BUD13: variants seen among roughly 807,000 people sequenced by gnomAD.
BUD13 encodes BUD13 spliceosome associated protein.
Under a neutral mutation model 62.5 loss-of-function variants are expected in BUD13, and 47 were observed. The ratio of observed to expected loss-of-function variants is 0.75; its 90% CI spans 0.60 to 0.96. The LOEUF (loss-of-function observed/expected upper bound fraction) is 0.96, where lower values mean the gene tolerates loss of function less well. Among genes scored for constraint, BUD13 ranks in the 40% least tolerant of loss-of-function variants. BUD13 has a pLI of 0.00. For synonymous variants in BUD13, 293 were observed against 280.1 expected (o/e 1.05, Z -0.46); for missense variants, 821 against 790.9 (o/e 1.04, Z -0.46).
chr11:116,757,461 A>ATTTTTTTT (rs35269431), intron 8 of BUD13, among the ~76,000 whole-genome samples: 1 of 138,858 alleles, frequency 7.2e-6, no homozygotes. Flanking sequence ...ATGACCGGCT[A>ATTTTTTTT]TTTTTTTTTT....
At chr11:116,760,388 C>T (rs1378131175) in intron 5 of BUD13, among the ~76,000 whole-genome samples, 1 of 152,234 alleles carries the variant, frequency 6.6e-6, no homozygotes, top group Admixed American at 6.5e-5. Context: ...TGTATGTGAT[C>T]CGTTTGACAC....
chr11:116,767,489 A>C (rs1283599372), intron 2 of BUD13, among the ~76,000 whole-genome samples: 1 of 143,678 alleles, frequency 7.0e-6, no homozygotes, highest in Non-Finnish European at 1.5e-5. Context: ...GCTACTCGGG[A>C]GGCTGAGGCA....
intron 1 of BUD13, among the ~76,000 whole-genome samples, 180 bp downstream of exon 1, chr11:116,772,642 G>A (rs968997506): frequency 3.3e-5 from 5 of 152,202 alleles, no homozygotes; most frequent in Admixed American, 3.3e-4. Flanking sequence ...GATGTAAGCG[G>A]GGCGGCAGAG....
rs1268409954 is a variant in BUD13 at position 116,761,710 on chromosome 11, A to C, written c.1037-758T>G. On this transcript the variant is annotated intron_variant, in intron 4 of 9. Transcript: ENST00000260210. ...GGACTAAAGGATAACAAAGTACTTTAATTTTAAAATTAAAATAGTTCCTAG... is the reference window on the plus strand; with the variant it reads ...GGACTAAAGGATAACAAAGTACTTTCATTTTAAAATTAAAATAGTTCCTAG... 2.6e-5 allele frequency among the ~76,000 whole-genome samples: 4 copies of C among 152,254 alleles called. No individual in the cohort carries two copies. In the East Asian group the frequency reaches 7.7e-4, roughly 29 times the overall value.
At chr11:116,766,471 G>C (rs1321290306) in intron 2 of BUD13, among the ~76,000 whole-genome samples, 1 of 152,154 alleles carries the variant, frequency 6.6e-6, no homozygotes, top group Non-Finnish European at 1.5e-5. Flanking sequence ...ACCCAGTTTT[G>C]AGATCTCTCA....
At position 116,770,120 on chromosome 11, in the gene BUD13, G is replaced by T; in HGVS notation, c.237+9C>A. The stretch of plus-strand genomic sequence containing the variant: ...ATTTCAAAATCCTGACAGCCCCAAA[G>T]ATACATACCACAGGCAAATCTCCAT... On this transcript the variant is annotated intron_variant, in intron 2 of 9. Transcript: ENST00000260210. 6.3e-7 allele frequency: 1 copy of T among 1,579,134 alleles called. No individual in the cohort carries two copies. The highest frequency in any genetic ancestry group is 8.7e-7 in the Non-Finnish European group (1 of 1,155,664).
chr11:116,762,550 C>T lies in BUD13; in HGVS notation c.1036+3G>A. The T allele has an allele frequency of 6.2e-7, 1 of 1,600,284 alleles. No individual in the cohort carries two copies. The highest frequency in any genetic ancestry group is 8.5e-7 in the Non-Finnish European group (1 of 1,172,502). On this transcript the variant is annotated splice_donor_region_variant and intron_variant, in intron 4 of 9. Transcript: ENST00000260210. The stretch of plus-strand genomic sequence containing the variant: ...TCCCTCTCATGGACAGTCATATGCT[C>T]ACCTTTGGAATCAAGCTGCTTCTTG...
At position 116,757,853 on chromosome 11, in the gene BUD13, T is replaced by C. The variant is rs1352786833; in HGVS notation, c.1597A>G (p.Arg533Gly). 1 of 1,614,240 alleles carries C rather than the reference T, an allele frequency of 6.2e-7. No individual in the cohort carries two copies. The highest frequency in any genetic ancestry group is 8.5e-7 in the Non-Finnish European group (1 of 1,180,046). The part of the protein sequence containing the change: ...ARYIDDEDLD[R>G]MLREQEREGD... Reference sequence around the variant, plus strand: ...TCTCTTTCCTGTTCTCTTAGCATCCTATCCAGATCTTCGTCATCAATATAG... The same window carrying C: ...TCTCTTTCCTGTTCTCTTAGCATCCCATCCAGATCTTCGTCATCAATATAG... Residue 533 changes from arginine (R) to glycine (G), a missense_variant, in exon 8 of 10, where the codon AGG (arginine) becomes GGG (glycine). Transcript: ENST00000260210.
chr11:116,764,583 C>G (rs568424494), intron 3 of BUD13, among the ~76,000 whole-genome samples: 27 of 152,262 alleles, frequency 1.8e-4, no homozygotes, highest in Admixed American at 5.9e-4. Context: ...ATGTGTGTGT[C>G]TGTGTGTCTT....
At chr11:116,754,617 A>G (rs1230486414) in intron 9 of BUD13, among the ~76,000 whole-genome samples, 5 of 152,200 alleles carry the variant, frequency 3.3e-5, no homozygotes, top group African/African-American at 1.2e-4. Flanking sequence ...AAAAACCTAT[A>G]CAGCTACAAC....
intron 9 of BUD13, among the ~76,000 whole-genome samples, chr11:116,751,446 T>C (rs370392016): frequency 7.2e-5 from 11 of 151,984 alleles, no homozygotes; most frequent in East Asian, 3.9e-4. Flanking sequence ...CTGGCCAACA[T>C]GGTGAAACCC....
In BUD13 at chr11:116,760,843, T is replaced by C. The variant is rs1940417005; in HGVS notation, c.1146A>G (p.Arg382=). 2.5e-6 allele frequency: 4 copies of C among 1,614,008 alleles called. No homozygotes were observed. In the African/African-American group the frequency reaches 4.0e-5, roughly 16 times the overall value. Residue 382 remains arginine, a synonymous_variant, in exon 5 of 10, where the codon AGA becomes AGG. Transcript: ENST00000260210. ...SDLSPPRNRP[R]HRSSDSDLSP... ...AGAGGTCAGAATCAGAGCTCCGGTG[T>C]CTAGGTCTATTCCGTGGAGGTGACA...
chr11:116,748,888 C>T (rs761183543), intron 9 of BUD13, among the ~76,000 whole-genome samples: 1 of 147,920 alleles, frequency 6.8e-6, no homozygotes, highest in African/African-American at 2.5e-5. Flanking sequence ...GGGAGGCTGA[C>T]GCAGGAGAAT....
At chr11:116,751,867 T>A (rs1238475540) in intron 9 of BUD13, among the ~76,000 whole-genome samples, 1 of 152,176 alleles carries the variant, frequency 6.6e-6, no homozygotes, top group Admixed American at 6.5e-5. Flanking sequence ...GACCAGAGAA[T>A]CAGGAACGCA....
chr11:116,765,886 G>C (rs754353383), intron 2 of BUD13, among the ~76,000 whole-genome samples: 2 of 152,160 alleles, frequency 1.3e-5, no homozygotes, highest in Non-Finnish European at 2.9e-5. Flanking sequence ...CACAGTGATA[G>C]GTTTTCTTGA....
chr11:116,767,008 T>C (rs576427489), intron 2 of BUD13, among the ~76,000 whole-genome samples: 8 of 150,050 alleles, frequency 5.3e-5, no homozygotes, highest in African/African-American at 2.0e-4. Flanking sequence ...GGCAACACGG[T>C]GAAACCCCGT....
chr11:116,758,373 A>T lies in BUD13; in HGVS notation c.1395T>A (p.Asp465Glu). The T allele has an allele frequency of 6.2e-7, 1 of 1,614,082 alleles. No homozygotes were observed. Among genetic ancestry groups the T allele is most frequent in the Non-Finnish European group, 8.5e-7 (1 of 1,180,020 alleles). ...EFQYAETVFR[D>E]KSGRKRNLKL... is the part of the protein sequence containing the mutation. ...TCAAATTCCTCTTACGACCAGACTT[A>T]TCTCGAAATACGGTTTCAGCATATT... The change falls in exon 7 of 10, where the codon GAT (aspartate) becomes GAA (glutamate). Residue 465 changes from aspartate to glutamate, a missense_variant. Around this residue, in one of 2 missense-constraint regions of BUD13, gnomAD observed 800 missense variants for 739.2 expected, o/e 1.08. Coordinates refer to ENST00000260210, the MANE Select transcript of BUD13 (RefSeq NM_032725.4).
intron 4 of BUD13, 118 bp from the exon 5 acceptor site, chr11:116,761,070 A>T (rs189069311): frequency 0.025 from 16,171 of 634,922 alleles, 297 homozygotes; most frequent in East Asian, 0.17. Flanking sequence ...CATTATTATT[A>T]TTTTTTTTTT....
At chr11:116,770,696 G>C (rs894958584) in intron 1 of BUD13, among the ~76,000 whole-genome samples, 2 of 151,996 alleles carry the variant, frequency 1.3e-5, no homozygotes, top group African/African-American at 4.8e-5. Context: ...GGGTTTCACC[G>C]TGTTAGTCAG....
Sources: allele counts gnomAD v4.1 joint callset (sites outside exome capture counted in the v4.1 genomes callset), GRCh38; gene constraint gnomAD v4.1.1; regional missense constraint gnomAD v4.1.1; transcripts MANE v1.5; gene names NCBI Gene and HGNC (gene_info 2026-07-23, HGNC 2026-07-21).